DNM3: variants seen among roughly 807,000 people sequenced by gnomAD.
DNM3 encodes dynamin-3.
DNM3 carries 47 observed loss-of-function variants against 101.6 expected under a neutral mutation model. That is an observed-to-expected ratio of 0.46 (90% CI 0.37 to 0.59). The LOEUF is 0.59. Ranked by LOEUF, DNM3 falls within the 20% of genes least tolerant of loss-of-function variation. The pLI is 0.00. For missense variants in DNM3, 849 were observed against 1,085.7 expected, an observed-to-expected ratio of 0.78 and a Z score of 3.06; for synonymous variants, 385 against 387.9, an observed-to-expected ratio of 0.99 and a Z score of 0.09.
chr1:172,064,854 T>C (rs983108782), intron 10 of DNM3, among the ~76,000 whole-genome samples: 1 of 152,212 alleles, frequency 6.6e-6, no homozygotes, highest in Non-Finnish European at 1.5e-5. Flanking sequence ...TCCTCCTTTG[T>C]CTCCATAATG....
At chr1:172,337,857 T>G (rs1404745215) in intron 17 of DNM3, among the ~76,000 whole-genome samples, 1 of 147,402 alleles carries the variant, frequency 6.8e-6, no homozygotes, top group Non-Finnish European at 1.5e-5. Flanking sequence ...TTTATTTTAT[T>G]TTATTTTATT....
intron 14 of DNM3, among the ~76,000 whole-genome samples, chr1:172,208,922 G>A (rs2060415828): frequency 6.6e-6 from 1 of 151,752 alleles, no homozygotes; most frequent in Admixed American, 6.6e-5. Flanking sequence ...AAAATTTGTT[G>A]AAATACATGG....
At chr1:172,203,735 T>C (rs1402708900) in intron 14 of DNM3, among the ~76,000 whole-genome samples, 1 of 152,192 alleles carries the variant, frequency 6.6e-6, no homozygotes, top group African/African-American at 2.4e-5. Context: ...TTCTTCTTAT[T>C]ATTAAATAGT....
At chr1:172,287,672 A>C (rs2063750175) in intron 15 of DNM3, among the ~76,000 whole-genome samples, 1 of 152,092 alleles carries the variant, frequency 6.6e-6, no homozygotes, top group South Asian at 2.1e-4. Context: ...GCAATGAATC[A>C]TGGTACTTTG....
chr1:172,126,631 G>C (rs1265034661), intron 13 of DNM3, among the ~76,000 whole-genome samples: 3 of 152,028 alleles, frequency 2.0e-5, no homozygotes, highest in Non-Finnish European at 4.4e-5. Flanking sequence ...GAATCTAATG[G>C]TGCCAGTAAG....
intron 2 of DNM3, among the ~76,000 whole-genome samples, chr1:171,981,425 A>G (rs1014602888): frequency 4.6e-5 from 7 of 152,256 alleles, no homozygotes; most frequent in African/African-American, 1.7e-4. Flanking sequence ...TAAGACATAT[A>G]CATATTTTTA....
intron 14 of DNM3, among the ~76,000 whole-genome samples, chr1:172,242,977 A>G (rs899199737): frequency 2.6e-5 from 4 of 152,220 alleles, no homozygotes; most frequent in South Asian, 2.1e-4. Context: ...TATTTTGTTC[A>G]CTATTTTTCC....
chr1:172,173,979 G>A (rs2059061613), intron 14 of DNM3, among the ~76,000 whole-genome samples: 1 of 151,524 alleles, frequency 6.6e-6, no homozygotes, highest in Non-Finnish European at 1.5e-5. Context: ...CATAACTCTG[G>A]AATGCCAAAC....
At chr1:172,303,547 T>A (rs1433938772) in intron 15 of DNM3, among the ~76,000 whole-genome samples, 3 of 152,044 alleles carry the variant, frequency 2.0e-5, no homozygotes, top group African/African-American at 7.2e-5. Context: ...AGATACTCCT[T>A]GAGAAGAGCA....
chr1:172,295,565 T>G (rs908849540), intron 15 of DNM3, among the ~76,000 whole-genome samples: 3 of 152,112 alleles, frequency 2.0e-5, no homozygotes, highest in African/African-American at 7.2e-5. Context: ...CGTATATATA[T>G]ACAAAAGTGA....
At chr1:172,320,426 T>G (rs2065653732) in intron 16 of DNM3, among the ~76,000 whole-genome samples, 1 of 149,574 alleles carries the variant, frequency 6.7e-6, no homozygotes, top group Non-Finnish European at 1.5e-5. Flanking sequence ...GTGGCACATA[T>G]ACACCATGGA....
intron 2 of DNM3, among the ~76,000 whole-genome samples, chr1:171,938,286 A>G (rs2041585391): frequency 6.6e-6 from 1 of 152,036 alleles, no homozygotes; most frequent in South Asian, 2.1e-4. Flanking sequence ...TTGTTACATA[A>G]CCAACCCACC....
intron 2 of DNM3, among the ~76,000 whole-genome samples, chr1:171,931,032 C>T (rs1367257167): frequency 1.3e-5 from 2 of 152,094 alleles, no homozygotes; most frequent in African/African-American, 2.4e-5. Context: ...AGAGACCAGC[C>T]TGGGCAACAT....
At chr1:171,847,879 ACTCTCT>A (rs141950487) in intron 1 of DNM3, among the ~76,000 whole-genome samples, 10,669 of 140,052 alleles carry the variant, frequency 0.076, 647 homozygotes, top group East Asian at 0.25. Context: ...CATATTAATT[ACTCTCT>A]CTCTCTCTCT....
Position 172,032,355 on chromosome 1 carries a change from G to T in DNM3, c.590-47G>T, listed in dbSNP as rs74765467. On this transcript the variant is annotated intron_variant, in intron 4 of 20. Coordinates refer to ENST00000627582, the MANE Select transcript of DNM3 (RefSeq NM_015569.5). Reference sequence around the variant, plus strand: ...ATTGTGACATATATGTCTAAAATTTGTTAGTCTTCTGCAAATTGTGTAATG... The same window carrying T: ...ATTGTGACATATATGTCTAAAATTTTTTAGTCTTCTGCAAATTGTGTAATG... 7.1e-5 allele frequency: 97 copies of T among 1,375,502 alleles called. 1 individual carries two copies. The African/African-American group carries it at 1.3e-3, about 18-fold the overall frequency. The allele number at this position is 1,375,502 out of a possible 1,614,324, so 85.2% of individuals were successfully genotyped here.
intron 14 of DNM3, among the ~76,000 whole-genome samples, chr1:172,181,391 CA>C (rs2059339126): frequency 1.1e-5 from 1 of 94,114 alleles, no homozygotes; most frequent in Non-Finnish European, 1.9e-5. Flanking sequence ...CACACACACA[CA>C]CACACACACA....
intron 14 of DNM3, among the ~76,000 whole-genome samples, chr1:172,238,225 G>T (rs532634301): frequency 3.3e-5 from 5 of 152,192 alleles, no homozygotes; most frequent in Admixed American, 2.0e-4. Flanking sequence ...AGAACTCACA[G>T]ACTCTGGGGG....
intron 17 of DNM3, among the ~76,000 whole-genome samples, chr1:172,358,858 G>C (rs2067585865): frequency 6.6e-6 from 1 of 150,444 alleles, no homozygotes. Flanking sequence ...TCCTTTCCGG[G>C]TCTCCCTTCC....
At chr1:172,004,755 T>C (rs2125684212) in intron 4 of DNM3, among the ~76,000 whole-genome samples, 1 of 152,048 alleles carries the variant, frequency 6.6e-6, no homozygotes, top group African/African-American at 2.4e-5. Flanking sequence ...AGTCTCTACC[T>C]GAAAGGCATA....
Sources: gnomAD v4.1 joint callset for allele counts (sites outside exome capture counted in the v4.1 genomes callset) on GRCh38, gnomAD v4.1.1 for gene constraint, MANE v1.5 for transcripts, NCBI Gene and HGNC (gene_info 2026-07-23, HGNC 2026-07-21) for gene names.